Variants in XRCC4 observed in about 807,000 individuals in gnomAD.
XRCC4 encodes the protein DNA repair protein XRCC4.
Under a neutral mutation model 39.1 loss-of-function variants are expected in XRCC4, and 28 were observed. The ratio of observed to expected loss-of-function variants is 0.72; its 90% CI spans 0.53 to 0.98. The LOEUF (loss-of-function observed/expected upper bound fraction) is 0.98. Among genes scored for constraint, XRCC4 ranks in the 50% least tolerant of loss-of-function variants. The pLI is 0.00. For synonymous variants in XRCC4, 123 were observed against 126.4 expected (o/e 0.97, Z 0.18); for missense variants, 350 against 376.4 (o/e 0.93, Z 0.58).
chr5:83,278,077 G>A (rs1313135884), intron 7 of XRCC4, among the ~76,000 whole-genome samples: 2 of 152,166 alleles, frequency 1.3e-5, no homozygotes, highest in Non-Finnish European at 2.9e-5. Context: ...CAATTTGCCA[G>A]TCAGACAAAT....
intron 3 of XRCC4, among the ~76,000 whole-genome samples, chr5:83,176,914 A>C (rs1273231096): frequency 1.3e-5 from 2 of 152,086 alleles, no homozygotes; most frequent in East Asian, 3.8e-4. Context: ...CAGCCACCAC[A>C]CCCAGCTGGG....
At chr5:83,190,356 G>T (rs1336720929) in intron 3 of XRCC4, among the ~76,000 whole-genome samples, 6 of 152,050 alleles carry the variant, frequency 3.9e-5, no homozygotes, top group Non-Finnish European at 8.8e-5. Context: ...AAACTGTAAT[G>T]GATAGACTAC....
At chr5:83,089,131 TA>T (rs1745308411) in intron 1 of XRCC4, among the ~76,000 whole-genome samples, 1 of 152,242 alleles carries the variant, frequency 6.6e-6, no homozygotes, top group Non-Finnish European at 1.5e-5. Context: ...CACAGCCTCC[TA>T]AATTGTGATA....
At chr5:83,233,324 C>T (rs1227335852) in intron 6 of XRCC4, among the ~76,000 whole-genome samples, 1 of 151,986 alleles carries the variant, frequency 6.6e-6, no homozygotes, top group Non-Finnish European at 1.5e-5. Context: ...ATGGAAGTAC[C>T]CTTGATTCTG....
chr5:83,372,989 T>G, the XRCC4 span, among the ~76,000 whole-genome samples: 2 of 152,176 alleles, frequency 1.3e-5, no homozygotes, highest in African/African-American at 4.8e-5. Flanking sequence ...CACAAGGCAG[T>G]CAGACCTTGG....
chr5:83,146,140 C>A (rs943465566), intron 3 of XRCC4, among the ~76,000 whole-genome samples: 1 of 151,936 alleles, frequency 6.6e-6, no homozygotes, highest in African/African-American at 2.4e-5. Context: ...AAAGTCATGC[C>A]TGTATTTGAA....
chr5:83,105,640 GTA>G (rs1746163287), intron 2 of XRCC4, among the ~76,000 whole-genome samples: 2 of 152,068 alleles, frequency 1.3e-5, no homozygotes, highest in African/African-American at 4.8e-5. Flanking sequence ...CTCAAATCAT[GTA>G]TGGAACATGG....
At chr5:83,350,329 ACAAATCTC>A (rs1363264745) in intron 7 of XRCC4, among the ~76,000 whole-genome samples, 1 of 152,180 alleles carries the variant, frequency 6.6e-6, no homozygotes, top group Non-Finnish European at 1.5e-5. Flanking sequence ...AAGTCCTTTG[ACAAATCTC>A]CAAACTACTT....
intron 3 of XRCC4, among the ~76,000 whole-genome samples, chr5:83,194,454 G>GGAT (rs1750854770): frequency 1.3e-5 from 2 of 152,110 alleles, no homozygotes; most frequent in African/African-American, 4.8e-5. Flanking sequence ...GTTTCACAGT[G>GGAT]GATGTCTAAG....
At chr5:83,201,022 T>C (rs1243902632) in intron 4 of XRCC4, among the ~76,000 whole-genome samples, 1 of 152,226 alleles carries the variant, frequency 6.6e-6, no homozygotes, top group African/African-American at 2.4e-5. Flanking sequence ...CTTTGCTTAA[T>C]GAAGGGAATA....
chr5:83,148,083 A>G (rs1475683607), intron 3 of XRCC4, among the ~76,000 whole-genome samples: 1 of 152,172 alleles, frequency 6.6e-6, no homozygotes, highest in African/African-American at 2.4e-5. Context: ...TGATAAATCT[A>G]TCAACTAACA....
intron 7 of XRCC4, among the ~76,000 whole-genome samples, chr5:83,350,604 A>G (rs1757051542): frequency 6.6e-6 from 1 of 151,648 alleles, no homozygotes; most frequent in Admixed American, 6.6e-5. Context: ...TTGCCCATTT[A>G]TTAATGGGGT....
At chr5:83,090,197 C>G (rs1220032783) in intron 1 of XRCC4, among the ~76,000 whole-genome samples, 1 of 152,130 alleles carries the variant, frequency 6.6e-6, no homozygotes. Flanking sequence ...GGCTGTTTCC[C>G]CATGTAAATC....
intron 6 of XRCC4, among the ~76,000 whole-genome samples, chr5:83,216,487 A>G (rs183038479): frequency 6.6e-6 from 1 of 152,338 alleles, no homozygotes; most frequent in Admixed American, 6.5e-5. Context: ...AAATAAGAAC[A>G]TACGTCCTCA....
At position 83,247,892 on chromosome 5, in the gene XRCC4, A is replaced by C. The variant is rs568639624; in HGVS notation, c.746-10638A>C. Among the ~76,000 whole-genome samples the C allele has an allele frequency of 1.1e-3, 172 of 152,326 alleles. 5 individuals are homozygous for C. The South Asian group carries it at 0.034, about 30-fold the overall frequency. Reference sequence around the variant, plus strand: ...TATTCAACTCCAGTAAGAGAACTCAAAACATTTTTCATTTTTCTTGATTAA... The same window carrying C: ...TATTCAACTCCAGTAAGAGAACTCACAACATTTTTCATTTTTCTTGATTAA... On this transcript the variant is annotated intron_variant, in intron 6 of 7. Coordinates refer to ENST00000396027, the MANE Select transcript of XRCC4 (RefSeq NM_003401.5).
chr5:83,300,781 CAT>C (rs1156867388), intron 7 of XRCC4, among the ~76,000 whole-genome samples: 1 of 151,808 alleles, frequency 6.6e-6, no homozygotes, highest in Non-Finnish European at 1.5e-5. Context: ...CTCCTTGTGC[CAT>C]ATGTTCTCAT....
chr5:83,152,837 G>T (rs1453072570), intron 3 of XRCC4, among the ~76,000 whole-genome samples: 2 of 152,000 alleles, frequency 1.3e-5, no homozygotes, highest in African/African-American at 4.8e-5. Context: ...TCGTGCAGTC[G>T]ATCTACAGTA....
At chr5:83,225,561 G>A (rs1289867520) in intron 6 of XRCC4, among the ~76,000 whole-genome samples, 1 of 147,338 alleles carries the variant, frequency 6.8e-6, no homozygotes, top group Admixed American at 6.9e-5. Flanking sequence ...TTAGGTAGGA[G>A]CTATGGAGGT....
At chr5:83,198,831 G>T (rs1751057717) in intron 4 of XRCC4, among the ~76,000 whole-genome samples, 1 of 152,076 alleles carries the variant, frequency 6.6e-6, no homozygotes, top group African/African-American at 2.4e-5. Flanking sequence ...TGAACAAGTG[G>T]CATCAGTGGA....
Sources: gnomAD v4.1 joint callset for allele counts (sites outside exome capture counted in the v4.1 genomes callset) on GRCh38, gnomAD v4.1.1 for gene constraint, MANE v1.5 for transcripts, NCBI Gene and HGNC (gene_info 2026-07-23, HGNC 2026-07-21) for gene names.